ADAP2: variants seen among roughly 807,000 people sequenced by gnomAD.
The protein encoded by ADAP2 is arf-GAP with dual PH domain-containing protein 2.
ADAP2 carries 42 observed loss-of-function variants against 54.9 expected under a neutral mutation model. The ratio of observed to expected loss-of-function variants is 0.77; its 90% CI spans 0.60 to 0.99. The LOEUF is 0.99. ADAP2 is among the 50% of genes least tolerant of loss of function. The pLI is 0.00. For synonymous variants in ADAP2, 177 were observed against 180.1 expected, an observed-to-expected ratio of 0.98 and a Z score of 0.14; for missense variants, 429 against 480.4, an observed-to-expected ratio of 0.89 and a Z score of 1.00.
intron 7 of ADAP2, among the ~76,000 whole-genome samples, chr17:30,950,450 A>G (rs1334353483): frequency 6.6e-6 from 1 of 152,002 alleles, no homozygotes; most frequent in Non-Finnish European, 1.5e-5. Context: ...CTGAGCTTCT[A>G]TTTCCATATG....
At chr17:30,922,868 G>A (rs550413949) in intron 1 of ADAP2, 72 bp from the exon 2 acceptor site, 2 of 1,559,534 alleles carry the variant, frequency 1.3e-6, no homozygotes, top group East Asian at 4.6e-5. Context: ...ACCTGCCCCA[G>A]TGCCCCGAGC....
At chr17:30,957,795 G>A in intron 10 of ADAP2, 40 bp from the exon 11 acceptor site, 1 of 1,609,938 alleles carries the variant, frequency 6.2e-7, no homozygotes. Flanking sequence ...GACAGCATTG[G>A]CATGGCCACC....
At chr17:30,956,748 C>T (rs760633650) in intron 10 of ADAP2, 407 of 463,070 alleles carry the variant, frequency 8.8e-4, no homozygotes, top group Non-Finnish European at 1.4e-3. Context: ...GTACCCCTTG[C>T]GGTGTGGGGG....
rs200181548 is a variant in ADAP2, at chr17:30,931,899, G to T, written c.328G>T (p.Glu110Ter). The T allele has an allele frequency of 6.2e-7, 1 of 1,613,696 alleles. No individual in the cohort carries two copies. The highest frequency in any genetic ancestry group is 2.2e-5 in the East Asian group (1 of 44,862). ...PQANDCLVLK[E>*]QWIRAKYERR... ...GCTCTCTCTTTTTAGGGTCTTAAAG[G>T]AACAATGGATTCGAGCTAAGTATGA... is the stretch of plus-strand genomic sequence containing the variant. Residue 110 changes from glutamate (E) to a stop codon, truncating the protein, a stop_gained, in exon 4 of 11, where the codon GAA becomes TAA. Coordinates refer to ENST00000330889, the MANE Select transcript of ADAP2 (RefSeq NM_018404.3). LOFTEE classifies it high-confidence loss of function.
chr17:30,953,500 C>T (rs1458344082), intron 8 of ADAP2, 150 bp downstream of exon 8: 34 of 720,390 alleles, frequency 4.7e-5, no homozygotes, highest in East Asian at 1.1e-4. Flanking sequence ...CAACCCAGGA[C>T]GGCTTGGAAT....
At chr17:30,923,264 C>CT (rs375853030) in intron 2 of ADAP2, among the ~76,000 whole-genome samples, 194 bp downstream of exon 2, 9,097 of 135,078 alleles carry the variant, frequency 0.067, 876 homozygotes, top group African/African-American at 0.21. Flanking sequence ...CATTTGCTTA[C>CT]TTTTTTTTTT....
chr17:30,922,979 G>C lies in ADAP2; in HGVS notation c.134G>C (p.Cys45Ser). 1 of 1,614,020 alleles carries C rather than the reference G, an allele frequency of 6.2e-7. No individual in the cohort carries two copies. The highest frequency in any genetic ancestry group is 8.5e-7 in the Non-Finnish European group (1 of 1,179,992). Reference protein sequence around the residue: ...WASYKLGIFICLNCCGVHRNF... With the variant: ...WASYKLGIFISLNCCGVHRNF... ...TCTTACAAGCTGGGGATCTTCATCT[G>C]TCTCAACTGCTGCGGCGTCCACCGT... Residue 45 changes from cysteine (C) to serine (S), a missense_variant, in exon 2 of 11, where the codon TGT (cysteine) becomes TCT (serine). Coordinates refer to ENST00000330889, the MANE Select transcript of ADAP2 (RefSeq NM_018404.3).
intron 8 of ADAP2, 122 bp downstream of exon 8, chr17:30,953,472 C>T (rs1248623690): frequency 2.0e-6 from 2 of 982,346 alleles, no homozygotes; most frequent in South Asian, 1.5e-5. Flanking sequence ...GTCCAACCCA[C>T]AGCCCATGGG....
At position 30,939,631 on chromosome 17, in the gene ADAP2, C is replaced by T. The variant is rs368547711; in HGVS notation, c.511-5276C>T. ...CTAAAAATACAAAAACTTAGCTGGG[C>T]GTGGTGGCAGGCGCCTGTAGTCGCA... is the stretch of plus-strand genomic sequence containing the variant. On this transcript the variant is annotated intron_variant, in intron 5 of 10. Coordinates refer to ENST00000330889, the MANE Select transcript of ADAP2 (RefSeq NM_018404.3). 1.6e-4 allele frequency among the ~76,000 whole-genome samples: 24 copies of T among 151,870 alleles called. No individual in the cohort carries two copies. In the East Asian group the frequency reaches 2.7e-3, roughly 17 times the overall value.
chr17:30,930,264 G>A (rs978231225), intron 3 of ADAP2, among the ~76,000 whole-genome samples: 1 of 150,894 alleles, frequency 6.6e-6, no homozygotes, highest in Non-Finnish European at 1.5e-5. Context: ...TAGAGCCGGG[G>A]TTTTGCTATG....
At chr17:30,925,282 T>G (rs866803023) in intron 2 of ADAP2, among the ~76,000 whole-genome samples, 7 of 146,334 alleles carry the variant, frequency 4.8e-5, no homozygotes, top group Non-Finnish European at 8.9e-5. Flanking sequence ...CTCCACCTCC[T>G]GGATTCAAGC....
intron 5 of ADAP2, among the ~76,000 whole-genome samples, chr17:30,934,798 T>C (rs1359219463): frequency 6.6e-6 from 1 of 152,076 alleles, no homozygotes; most frequent in Non-Finnish European, 1.5e-5. Context: ...TAGTAAGAGA[T>C]TGAGGCAGGG....
intron 2 of ADAP2, among the ~76,000 whole-genome samples, chr17:30,924,875 G>GTT (rs369584931): frequency 1.3e-4 from 18 of 138,000 alleles, no homozygotes; most frequent in African/African-American, 2.2e-4. Context: ...TGTTTTTTTT[G>GTT]TTTTTTTTTT....
At chr17:30,942,744 A>G (rs886514383) in intron 5 of ADAP2, among the ~76,000 whole-genome samples, 6 of 152,218 alleles carry the variant, frequency 3.9e-5, no homozygotes, top group Non-Finnish European at 1.5e-5. Context: ...TGGGCAAAAG[A>G]TGTGTACAGA....
chr17:30,956,725 C>G, intron 10 of ADAP2: 1 of 522,896 alleles, frequency 1.9e-6, no homozygotes, highest in South Asian at 2.1e-5. Context: ...GGCAGAACCC[C>G]TGGGTGCTGT....
intron 5 of ADAP2, among the ~76,000 whole-genome samples, chr17:30,936,433 G>A (rs915548555): frequency 2.1e-4 from 32 of 152,186 alleles, no homozygotes; most frequent in Admixed American, 1.8e-3. Context: ...AAAGTACTAG[G>A]ATTATAGATG....
intron 10 of ADAP2, among the ~76,000 whole-genome samples, chr17:30,957,308 C>G (rs553723042): frequency 2.6e-5 from 4 of 152,270 alleles, no homozygotes; most frequent in Admixed American, 1.3e-4. Flanking sequence ...CTTGGTTTCT[C>G]TCTGTCTCTG....
intron 5 of ADAP2, among the ~76,000 whole-genome samples, chr17:30,940,064 C>T (rs1051260110): frequency 9.2e-5 from 14 of 151,984 alleles, no homozygotes; most frequent in African/African-American, 3.4e-4. Flanking sequence ...CAGGCTCAAG[C>T]GCTCCTTCCA....
chr17:30,923,467 G>A (rs1219734148), intron 2 of ADAP2, among the ~76,000 whole-genome samples: 2 of 151,540 alleles, frequency 1.3e-5, no homozygotes, highest in East Asian at 1.9e-4. Flanking sequence ...GTTTCACCAT[G>A]TTGGTCACGC....
Sources: gnomAD v4.1 joint callset for allele counts (sites outside exome capture counted in the v4.1 genomes callset) on GRCh38, gnomAD v4.1.1 for gene constraint, MANE v1.5 for transcripts, NCBI Gene and HGNC (gene_info 2026-07-23, HGNC 2026-07-21) for gene names.